The following BLTP3B variants were observed in gnomAD, a reference collection of about 807,000 sequenced individuals.
BLTP3B encodes the protein UHRF1 (ICBP90) binding protein 1-like.
chr12:100,082,973 C>T, the BLTP3B span: 2 of 1,436,022 alleles, frequency 1.4e-6, no homozygotes, highest in Admixed American at 1.7e-5. Context: ...AGATGAGATA[C>T]TAAAGTGTTT....
chr12:100,052,790 G>GTT, the BLTP3B span, among the ~76,000 whole-genome samples: 13,460 of 114,154 alleles, frequency 0.12, 1,340 homozygotes, highest in African/African-American at 0.26. Context: ...TTTCTTTTCT[G>GTT]TTTTTTTTTT....
At chr12:100,102,732 T>C in the BLTP3B span, 21 of 1,385,516 alleles carry the variant, frequency 1.5e-5, no homozygotes, top group East Asian at 2.4e-5. Flanking sequence ...TGTCCTGTTA[T>C]TGGCAGTCAT....
At chr12:100,104,641 AAT>A in the BLTP3B span, among the ~76,000 whole-genome samples, 1 of 152,018 alleles carries the variant, frequency 6.6e-6, no homozygotes, top group Non-Finnish European at 1.5e-5. Context: ...ATTCAAGACA[AAT>A]ACAAAAGTTC....
At chr12:100,058,016 A>G in the BLTP3B span, 2 of 1,544,608 alleles carry the variant, frequency 1.3e-6, no homozygotes, top group Non-Finnish European at 1.7e-6. Context: ...AAAGGCCAAT[A>G]AAATGTTGTT....
the BLTP3B span, among the ~76,000 whole-genome samples, chr12:100,090,014 G>A: frequency 1.4e-4 from 22 of 152,224 alleles, no homozygotes; most frequent in African/African-American, 5.3e-4. Flanking sequence ...ATGTAAAATG[G>A]GACTTGATCC....
the BLTP3B span, chr12:100,108,275 GT>G: frequency 1.7e-6 from 2 of 1,166,114 alleles, no homozygotes; most frequent in African/African-American, 3.2e-5. Context: ...TAATAAAAAT[GT>G]TTTTACACAA....
the BLTP3B span, among the ~76,000 whole-genome samples, chr12:100,126,948 G>T: frequency 6.6e-6 from 1 of 151,586 alleles, no homozygotes; most frequent in East Asian, 1.9e-4. Context: ...GGAAGGTAAA[G>T]AAGAAAAAGG....
At chr12:100,125,983 T>C in the BLTP3B span, among the ~76,000 whole-genome samples, 2 of 152,020 alleles carry the variant, frequency 1.3e-5, no homozygotes, top group Non-Finnish European at 1.5e-5. Flanking sequence ...GTAAAGTAGA[T>C]ATCCAGGTGC....
the BLTP3B span, chr12:100,058,611 C>T: frequency 3.5e-5 from 57 of 1,613,906 alleles, no homozygotes; most frequent in Non-Finnish European, 4.7e-5. Flanking sequence ...TGGGCTCACA[C>T]TTTCAGAAAC....
the BLTP3B span, among the ~76,000 whole-genome samples, chr12:100,052,232 G>A: frequency 1.3e-5 from 2 of 152,020 alleles, no homozygotes; most frequent in Admixed American, 6.6e-5. Context: ...TAGTAAAGAC[G>A]GGGTTTCACT....
the BLTP3B span, among the ~76,000 whole-genome samples, chr12:100,064,225 C>G: frequency 1.1e-4 from 17 of 151,866 alleles, no homozygotes; most frequent in Non-Finnish European, 2.5e-4. Flanking sequence ...TAACCCAATC[C>G]GACAAAGACA....
At chr12:100,140,799 G>A in the BLTP3B span, among the ~76,000 whole-genome samples, 1 of 145,138 alleles carries the variant, frequency 6.9e-6, no homozygotes, top group East Asian at 2.0e-4. Context: ...TTCAATATAT[G>A]GGTGTTTTCT....
At chr12:100,132,766 G>A in the BLTP3B span, among the ~76,000 whole-genome samples, 45 of 152,140 alleles carry the variant, frequency 3.0e-4, 2 homozygotes, top group East Asian at 7.5e-3. Flanking sequence ...TAGCCAACAC[G>A]GTGAAACCCC....
chr12:100,056,252 G>C, the BLTP3B span, among the ~76,000 whole-genome samples: 133 of 152,210 alleles, frequency 8.7e-4, 1 homozygote, highest in South Asian at 0.025. Context: ...TTGACCTCCA[G>C]AGGACTGCAA....
chr12:100,097,011 T>C, the BLTP3B span, among the ~76,000 whole-genome samples: 1 of 151,994 alleles, frequency 6.6e-6, no homozygotes, highest in East Asian at 1.9e-4. Context: ...GCCTGGGAGG[T>C]CAAGGTTTCA....
chr12:100,089,515 G>A, the BLTP3B span, among the ~76,000 whole-genome samples: 17 of 152,150 alleles, frequency 1.1e-4, no homozygotes, highest in African/African-American at 1.7e-4. Context: ...AGCTGAGACC[G>A]TGCCACTGCA....
chr12:100,046,397 TA>T, the BLTP3B span, among the ~76,000 whole-genome samples: 2 of 151,938 alleles, frequency 1.3e-5, no homozygotes, highest in Non-Finnish European at 2.9e-5. Context: ...TATGCAGCCA[TA>T]AAAAAGGGTG....
the BLTP3B span, among the ~76,000 whole-genome samples, chr12:100,085,073 A>AGAT: frequency 1.3e-5 from 2 of 152,236 alleles, no homozygotes; most frequent in African/African-American, 4.8e-5. Flanking sequence ...AAAAATGATA[A>AGAT]GATGATGATG....
chr12:100,117,721 A>C, the BLTP3B span, among the ~76,000 whole-genome samples: 2 of 151,748 alleles, frequency 1.3e-5, no homozygotes, highest in Non-Finnish European at 2.9e-5. Flanking sequence ...GGCTGGTCTC[A>C]AACTCCTGGG....
Sources: allele counts gnomAD v4.1 joint callset (sites outside exome capture counted in the v4.1 genomes callset), GRCh38; gene constraint gnomAD v4.1.1; transcripts MANE v1.5; gene names NCBI Gene and HGNC (gene_info 2026-07-23, HGNC 2026-07-21).